The following UBE2E2 variants were observed in gnomAD, a reference collection of about 807,000 sequenced individuals.
The protein encoded by UBE2E2 is ubiquitin-conjugating enzyme E2 E2.
Under a neutral mutation model 24.7 loss-of-function variants are expected in UBE2E2, and 6 were observed. That is an observed-to-expected ratio of 0.24 (90% CI 0.13 to 0.48). The LOEUF (loss-of-function observed/expected upper bound fraction) is 0.48. UBE2E2 is among the 20% of genes least tolerant of loss of function. The probability of loss-of-function intolerance (pLI) is 0.99; values close to 1 mark genes in which losing one functional copy is unlikely to be tolerated. For missense variants in UBE2E2, 169 were observed against 245.0 expected (o/e 0.69, Z 2.07); for synonymous variants, 104 against 83.6 (o/e 1.24, Z -1.33).
intron 5 of UBE2E2, among the ~76,000 whole-genome samples, chr3:23,545,231 A>G (rs894285917): frequency 1.3e-5 from 2 of 151,966 alleles, no homozygotes; most frequent in African/African-American, 4.8e-5. Context: ...GGGCTGGGGG[A>G]GGGTCAGGTC....
chr3:23,534,460 C>A (rs1695206800), intron 5 of UBE2E2, among the ~76,000 whole-genome samples: 1 of 151,930 alleles, frequency 6.6e-6, no homozygotes, highest in African/African-American at 2.4e-5. Context: ...ATAGTAAGAA[C>A]AAGCCTAAAA....
chr3:23,420,677 G>A (rs1205407822), intron 3 of UBE2E2, among the ~76,000 whole-genome samples: 2 of 152,182 alleles, frequency 1.3e-5, no homozygotes, highest in Non-Finnish European at 2.9e-5. Flanking sequence ...AGAACCACTT[G>A]TAAAGAGGCA....
intron 3 of UBE2E2, among the ~76,000 whole-genome samples, chr3:23,369,339 T>C (rs1395075319): frequency 6.6e-6 from 1 of 152,186 alleles, no homozygotes; most frequent in East Asian, 1.9e-4. Flanking sequence ...ATTTTTTTAC[T>C]GTTTGTCCTC....
chr3:23,406,777 A>T (rs1252370108), intron 3 of UBE2E2, among the ~76,000 whole-genome samples: 1 of 152,234 alleles, frequency 6.6e-6, no homozygotes. Context: ...GAAAATCTGT[A>T]TGCCCAGAGG....
intron 5 of UBE2E2, among the ~76,000 whole-genome samples, chr3:23,571,280 C>CTTTTTTTTTTTTTTTTT (rs59243406): frequency 0.028 from 831 of 29,878 alleles, 340 homozygotes; most frequent in Non-Finnish European, 0.033. Flanking sequence ...GTGCTCCTTT[C>CTTTTTTTTTTTTTTTTT]TTTTTTTTTT....
chr3:23,441,122 T>C (rs1223045653), intron 3 of UBE2E2, among the ~76,000 whole-genome samples: 2 of 152,168 alleles, frequency 1.3e-5, no homozygotes, highest in Admixed American at 6.5e-5. Context: ...TTTGACCTGG[T>C]GTTGTGTCAC....
In UBE2E2 at chr3:23,203,391, C is replaced by T. The variant is rs1411235338; in HGVS notation, c.-82C>T. The stretch of plus-strand genomic sequence containing the variant: ...CCCTGGGGCCTCCCCAGTCTCCCTC[C>T]CCCTCGCGCCTGGGCAGCTCTCTCC... On this transcript the variant is annotated 5_prime_UTR_variant, in exon 1 of 6. Transcript: ENST00000396703. 1.0e-6 allele frequency: 1 copy of T among 985,682 alleles called. No individual in the cohort carries two copies. Among genetic ancestry groups the T allele is most frequent in the African/African-American group, 1.7e-5 (1 of 57,264 alleles). The allele number at this position is 985,682 out of a possible 1,614,324, so 61.1% of individuals were successfully genotyped here.
At chr3:23,283,947 C>T (rs746333972) in intron 3 of UBE2E2, among the ~76,000 whole-genome samples, 1 of 152,124 alleles carries the variant, frequency 6.6e-6, no homozygotes, top group African/African-American at 2.4e-5. Context: ...GCTTTAGATA[C>T]TTTTGCAGTT....
chr3:23,509,801 C>T (rs950133674), intron 4 of UBE2E2, among the ~76,000 whole-genome samples: 2 of 140,006 alleles, frequency 1.4e-5, no homozygotes, highest in African/African-American at 2.7e-5. Flanking sequence ...TTGTTCAGTT[C>T]CCACCTATGA....
intron 3 of UBE2E2, among the ~76,000 whole-genome samples, chr3:23,321,272 G>T (rs1694730265): frequency 6.6e-6 from 1 of 152,096 alleles, no homozygotes; most frequent in Non-Finnish European, 1.5e-5. Context: ...TTTTGGGAGG[G>T]GCTGGCACAA....
At chr3:23,239,780 T>G (rs138333896) in intron 3 of UBE2E2, among the ~76,000 whole-genome samples, 1 of 152,170 alleles carries the variant, frequency 6.6e-6, no homozygotes, top group South Asian at 2.1e-4. Flanking sequence ...CTAAAAGATA[T>G]GCTGTTTTTC....
At chr3:23,431,301 GGATTTATTTTGTTTAATGT>G in intron 3 of UBE2E2, among the ~76,000 whole-genome samples, 1 of 152,272 alleles carries the variant, frequency 6.6e-6, no homozygotes, top group Non-Finnish European at 1.5e-5. Context: ...TGTTTGCTAA[GGATTTATTTTGTTTAATGT>G]GATTGAGGTC....
At chr3:23,295,170 G>T (rs1035110093) in intron 3 of UBE2E2, among the ~76,000 whole-genome samples, 1 of 152,140 alleles carries the variant, frequency 6.6e-6, no homozygotes, top group Non-Finnish European at 1.5e-5. Flanking sequence ...TTTTTAAAAG[G>T]TTGGCAGTGA....
At chr3:23,465,161 T>A (rs1474467189) in intron 3 of UBE2E2, among the ~76,000 whole-genome samples, 1 of 152,192 alleles carries the variant, frequency 6.6e-6, no homozygotes, top group Non-Finnish European at 1.5e-5. Context: ...CATTTAATCT[T>A]CCCAACAATC....
At chr3:23,430,663 C>A (rs1386821940) in intron 3 of UBE2E2, among the ~76,000 whole-genome samples, 1 of 152,078 alleles carries the variant, frequency 6.6e-6, no homozygotes, top group Admixed American at 6.6e-5. Context: ...GGACTACAGG[C>A]ATGTGCCACT....
intron 3 of UBE2E2, among the ~76,000 whole-genome samples, chr3:23,281,239 G>A (rs1337115350): frequency 6.6e-6 from 1 of 152,128 alleles, no homozygotes; most frequent in Non-Finnish European, 1.5e-5. Flanking sequence ...AAGATTTCAT[G>A]TTTGTTTTAG....
intron 3 of UBE2E2, among the ~76,000 whole-genome samples, chr3:23,322,058 C>A (rs1241169972): frequency 6.6e-6 from 1 of 151,976 alleles, no homozygotes; most frequent in Non-Finnish European, 1.5e-5. Context: ...CTTTTTGTAC[C>A]ATAAACAAAA....
chr3:23,414,582 T>C (rs1007420358), intron 3 of UBE2E2, among the ~76,000 whole-genome samples: 15 of 152,192 alleles, frequency 9.9e-5, no homozygotes, highest in Admixed American at 2.6e-4. Context: ...AATGGTAGGA[T>C]CAGGTAACTT....
intron 3 of UBE2E2, among the ~76,000 whole-genome samples, chr3:23,493,481 T>A (rs1291286675): frequency 1.3e-5 from 2 of 152,338 alleles, no homozygotes; most frequent in East Asian, 3.9e-4. Flanking sequence ...AAGATTTACC[T>A]CATTGTGTTT....
Sources: gnomAD v4.1 joint callset for allele counts (sites outside exome capture counted in the v4.1 genomes callset) on GRCh38, gnomAD v4.1.1 for gene constraint, MANE v1.5 for transcripts, NCBI Gene and HGNC (gene_info 2026-07-23, HGNC 2026-07-21) for gene names.